Variants in LRMDA observed in about 807,000 individuals in gnomAD.
LRMDA encodes the protein leucine-rich melanocyte differentiation-associated protein.
A neutral mutation model predicts 29.8 loss-of-function variants in LRMDA; 18 were observed. That is an observed-to-expected ratio of 0.60 (90% CI 0.42 to 0.90). The LOEUF is 0.90. LRMDA is among the 40% of genes least tolerant of loss of function. The pLI is 0.00. For missense variants in LRMDA, 273 were observed against 273.9 expected, an observed-to-expected ratio of 1.00 and a Z score of 0.02; for synonymous variants, 125 against 109.4, an observed-to-expected ratio of 1.14 and a Z score of -0.89.
At chr10:76,468,355 T>G (rs963093373) in intron 6 of LRMDA, among the ~76,000 whole-genome samples, 1 of 152,256 alleles carries the variant, frequency 6.6e-6, no homozygotes, top group African/African-American at 2.4e-5. Context: ...AAGACTGTTC[T>G]GGAACAAATG....
At chr10:75,650,668 A>T (rs1841587491) in intron 2 of LRMDA, among the ~76,000 whole-genome samples, 2 of 152,168 alleles carry the variant, frequency 1.3e-5, no homozygotes, top group Admixed American at 1.3e-4. Context: ...TTTAAAGTCA[A>T]CAGAGAAAAC....
intron 2 of LRMDA, among the ~76,000 whole-genome samples, chr10:75,638,722 C>T (rs1307981008): frequency 6.6e-6 from 1 of 152,184 alleles, no homozygotes; most frequent in Non-Finnish European, 1.5e-5. Flanking sequence ...AAATATATCA[C>T]TGTAAAATAT....
intron 2 of LRMDA, among the ~76,000 whole-genome samples, chr10:75,519,233 G>A (rs1018562479): frequency 2.6e-5 from 4 of 152,206 alleles, no homozygotes; most frequent in African/African-American, 9.7e-5. Flanking sequence ...TTGGTCCAGA[G>A]CTGAGTTCAT....
chr10:75,462,131 G>C (rs189580413), intron 2 of LRMDA, among the ~76,000 whole-genome samples: 10 of 152,226 alleles, frequency 6.6e-5, no homozygotes, highest in Non-Finnish European at 1.3e-4. Context: ...ATGAAGCCTG[G>C]ATACAGTGCA....
At chr10:76,442,381 T>C (rs1842312814) in intron 6 of LRMDA, among the ~76,000 whole-genome samples, 1 of 152,170 alleles carries the variant, frequency 6.6e-6, no homozygotes, top group East Asian at 1.9e-4. Context: ...GGTTCTTAGC[T>C]TAAAATGAGA....
At chr10:75,965,425 A>G (rs1445734868) in intron 2 of LRMDA, among the ~76,000 whole-genome samples, 2 of 152,336 alleles carry the variant, frequency 1.3e-5, no homozygotes, top group African/African-American at 2.4e-5. Flanking sequence ...ATGAGAATGT[A>G]TCTTTAGAAA....
chr10:75,667,811 A>G (rs1452313585), intron 2 of LRMDA, among the ~76,000 whole-genome samples: 1 of 152,232 alleles, frequency 6.6e-6, no homozygotes, highest in Non-Finnish European at 1.5e-5. Flanking sequence ...TACAGATGAA[A>G]AAAACGTATT....
intron 2 of LRMDA, among the ~76,000 whole-genome samples, chr10:75,636,314 T>A (rs754434974): frequency 1.3e-5 from 2 of 152,210 alleles, no homozygotes; most frequent in Non-Finnish European, 2.9e-5. Flanking sequence ...CTTTATTTTC[T>A]TTATTAAATT....
intron 2 of LRMDA, among the ~76,000 whole-genome samples, chr10:75,588,724 T>G (rs1387353357): frequency 2.0e-5 from 3 of 152,216 alleles, no homozygotes; most frequent in Admixed American, 6.5e-5. Context: ...CTGTTCCCTA[T>G]CTTCCCTGTT....
At chr10:76,483,359 G>T (rs1392840651) in intron 6 of LRMDA, among the ~76,000 whole-genome samples, 1 of 151,936 alleles carries the variant, frequency 6.6e-6, no homozygotes, top group Non-Finnish European at 1.5e-5. Flanking sequence ...AGAACTCTTT[G>T]TTACTGGCAG....
Position 76,146,435 on chromosome 10 carries a change from C to G in LRMDA, c.516+87652C>G, listed in dbSNP as rs11516633. 3.0e-3 allele frequency among the ~76,000 whole-genome samples: 456 copies of G among 151,496 alleles called. 2 individuals carry two copies. The highest frequency in any genetic ancestry group is 0.014 in the Middle Eastern group (4 of 294). The stretch of plus-strand genomic sequence containing the variant: ...TCTTCTTGTTGAATTGATCCCTTTA[C>G]CATTATGTAATGGCCTTCTTTGTCT... On this transcript the variant is annotated intron_variant, in intron 5 of 6. Transcript: ENST00000611255.
chr10:76,113,356 A>C (rs1056517518), intron 5 of LRMDA, among the ~76,000 whole-genome samples: 2 of 152,054 alleles, frequency 1.3e-5, no homozygotes, highest in Admixed American at 6.5e-5. Flanking sequence ...GGCATTTATT[A>C]AAACGACCTC....
intron 2 of LRMDA, among the ~76,000 whole-genome samples, chr10:75,557,893 G>T (rs143699817): frequency 4.6e-4 from 70 of 152,254 alleles, no homozygotes; most frequent in Non-Finnish European, 6.9e-4. Flanking sequence ...AAGGTGTTTT[G>T]ATGTGTCCTT....
intron 5 of LRMDA, among the ~76,000 whole-genome samples, chr10:76,307,491 C>A (rs1840572502): frequency 6.6e-6 from 1 of 152,148 alleles, no homozygotes; most frequent in African/African-American, 2.4e-5. Flanking sequence ...ACACTGTATT[C>A]TGGGATAGAC....
At chr10:75,902,891 G>A (rs960549275) in intron 2 of LRMDA, among the ~76,000 whole-genome samples, 1 of 152,150 alleles carries the variant, frequency 6.6e-6, no homozygotes, top group Non-Finnish European at 1.5e-5. Flanking sequence ...CTCCCCAGGG[G>A]CCCTTCAGAG....
rs1222719126 is a variant in LRMDA, at chr10:76,212,210, TTC to T, written c.517-112189_517-112188del. On this transcript the variant is annotated intron_variant, in intron 5 of 6. Transcript: ENST00000611255. The stretch of plus-strand genomic sequence containing the variant: ...GATACAGATTTTGCACTACAGATTT[TTC>T]TTTTTGTATGGTGTGAAAATTAAAA... 3.4e-4 allele frequency among the ~76,000 whole-genome samples: 51 copies of T among 151,388 alleles called. 1 individual carries two copies. Among genetic ancestry groups the T allele is most frequent in the Non-Finnish European group, 6.9e-4 (47 of 67,880 alleles).
At chr10:75,590,749 T>C (rs1840713419) in intron 2 of LRMDA, among the ~76,000 whole-genome samples, 4 of 36,526 alleles carry the variant, frequency 1.1e-4, no homozygotes, top group African/African-American at 2.2e-4. Flanking sequence ...TTTTTTTTTT[T>C]TTTTTTTTTT....
At chr10:76,395,249 C>T (rs1477782858) in intron 6 of LRMDA, among the ~76,000 whole-genome samples, 1 of 152,196 alleles carries the variant, frequency 6.6e-6, no homozygotes, top group African/African-American at 2.4e-5. Flanking sequence ...CTTTTCAGAG[C>T]TTTTGCTCAA....
At chr10:75,780,297 G>A (rs1175428750) in intron 2 of LRMDA, among the ~76,000 whole-genome samples, 1 of 152,074 alleles carries the variant, frequency 6.6e-6, no homozygotes, top group Non-Finnish European at 1.5e-5. Context: ...TTGCTATATT[G>A]ACTAGAACTC....
Sources: gnomAD v4.1 joint callset for allele counts (sites outside exome capture counted in the v4.1 genomes callset) on GRCh38, gnomAD v4.1.1 for gene constraint, MANE v1.5 for transcripts, NCBI Gene and HGNC (gene_info 2026-07-23, HGNC 2026-07-21) for gene names.